DCDC1: variants seen among roughly 807,000 people sequenced by gnomAD.
DCDC1 encodes the protein doublecortin domain containing 1.
DCDC1 carries 200 observed loss-of-function variants against 178.3 expected under a neutral mutation model. The ratio of observed to expected loss-of-function variants is 1.12; its 90% CI spans 1.00 to 1.26. DCDC1 has a LOEUF of 1.26. Ranked by LOEUF, DCDC1 falls within the 50% of genes most tolerant of loss-of-function variation. The pLI is 0.00. For synonymous variants in DCDC1, 690 were observed against 604.8 expected, an observed-to-expected ratio of 1.14 and a Z score of -2.07; for missense variants, 1,983 against 1,749.2, an observed-to-expected ratio of 1.13 and a Z score of -2.38.
At chr11:31,213,898 G>C (rs893964895) in intron 9 of DCDC1, among the ~76,000 whole-genome samples, 2 of 151,682 alleles carry the variant, frequency 1.3e-5, no homozygotes, top group Non-Finnish European at 2.9e-5. Flanking sequence ...ATATTGTTGA[G>C]TGTGTACACA....
At chr11:31,250,421 C>CATATATATATACATATAT in intron 8 of DCDC1, among the ~76,000 whole-genome samples, 1 of 52,958 alleles carries the variant, frequency 1.9e-5, no homozygotes, top group South Asian at 8.7e-4. Context: ...CACACATATA[C>CATATATATATACATATAT]ATATATATGT....
intron 20 of DCDC1, among the ~76,000 whole-genome samples, chr11:31,037,424 ATTTC>A (rs149457186): frequency 0.41 from 54,092 of 133,370 alleles, 9,829 homozygotes; most frequent in Middle Eastern, 0.5. Flanking sequence ...GCCTCTAAAT[ATTTC>A]TTTCTTTTTT....
At position 30,904,955 on chromosome 11, in the gene DCDC1, A is replaced by C. The variant is rs1288781785; in HGVS notation, c.4308+6T>G. ...TGCAAGCAGCATTTAAGTGATAGCC[A>C]CTTACCATGGGGAATGTTCCAGCCA... On this transcript the variant is annotated splice_donor_region_variant and intron_variant, in intron 31 of 38. Transcript: ENST00000684477. 3 of 1,613,560 alleles carry C rather than the reference A, an allele frequency of 1.9e-6. No homozygotes were observed. Among genetic ancestry groups the C allele is most frequent in the Non-Finnish European group, 2.5e-6 (3 of 1,179,670 alleles).
chr11:30,995,690 G>A (rs1335203749), intron 20 of DCDC1, among the ~76,000 whole-genome samples: 1 of 152,128 alleles, frequency 6.6e-6, no homozygotes, highest in Non-Finnish European at 1.5e-5. Flanking sequence ...GCTGAACCAA[G>A]TGGATGTCTC....
intron 20 of DCDC1, among the ~76,000 whole-genome samples, chr11:31,009,099 T>C (rs947442582): frequency 1.3e-5 from 2 of 152,264 alleles, no homozygotes; most frequent in African/African-American, 2.4e-5. Context: ...AATGAGAATA[T>C]ATAACAAGAC....
At chr11:31,187,541 G>T (rs908497920) in intron 9 of DCDC1, among the ~76,000 whole-genome samples, 2 of 152,158 alleles carry the variant, frequency 1.3e-5, no homozygotes, top group Non-Finnish European at 2.9e-5. Flanking sequence ...TCATAAAAAT[G>T]ATTCTTTAAG....
rs1461994476 is a variant in DCDC1 at position 31,241,635 on chromosome 11, GA to G, written c.1055-20del. ...AGAGGAACTATGCAAGAAAAGAAGGGAAAAAAATTCTTTTGACCCAACCCAA... is the reference window on the plus strand; with the variant it reads ...AGAGGAACTATGCAAGAAAAGAAGGGAAAAAATTCTTTTGACCCAACCCAA... On this transcript the variant is annotated intron_variant, in intron 8 of 38. Transcript: ENST00000684477. 6 of 396,428 alleles carry G rather than the reference GA, an allele frequency of 1.5e-5. No individual in the cohort carries two copies. The highest frequency in any genetic ancestry group is 2.2e-5 in the Non-Finnish European group (5 of 224,320). 24.6% of individuals were successfully genotyped at this position (396,428 alleles called of 1,614,324 possible).
intron 19 of DCDC1, 31 bp from the exon 20 acceptor site, chr11:31,064,657 T>A: frequency 1.3e-6 from 1 of 762,844 alleles, no homozygotes. Flanking sequence ...ATCATGTAGC[T>A]AATTTTCATT....
intron 6 of DCDC1, among the ~76,000 whole-genome samples, chr11:31,300,695 A>G (rs554040399): frequency 2.0e-5 from 3 of 152,152 alleles, no homozygotes; most frequent in Non-Finnish European, 2.9e-5. Flanking sequence ...GAATAACTAT[A>G]GAATATATAA....
At chr11:31,119,799 C>G (rs1404060590) in intron 11 of DCDC1, among the ~76,000 whole-genome samples, 1 of 152,046 alleles carries the variant, frequency 6.6e-6, no homozygotes, top group African/African-American at 2.4e-5. Flanking sequence ...TTTTCTGTTA[C>G]CAACCAAATT....
At chr11:30,990,240 A>AAG (rs1270863779) in intron 20 of DCDC1, among the ~76,000 whole-genome samples, 1 of 152,176 alleles carries the variant, frequency 6.6e-6, no homozygotes, top group Non-Finnish European at 1.5e-5. Context: ...TTGGTACCTT[A>AAG]AGAGAGATAC....
chr11:31,279,241 T>C (rs1296338970), intron 7 of DCDC1, among the ~76,000 whole-genome samples: 1 of 150,690 alleles, frequency 6.6e-6, no homozygotes, highest in Non-Finnish European at 1.5e-5. Flanking sequence ...TTCATTTTCT[T>C]TTTTTTGTGT....
chr11:31,264,836 C>G (rs1301647963), intron 8 of DCDC1, among the ~76,000 whole-genome samples: 1 of 152,118 alleles, frequency 6.6e-6, no homozygotes, highest in Non-Finnish European at 1.5e-5. Flanking sequence ...ACCAATTGTT[C>G]TCATCTCTTC....
chr11:30,893,413 T>A (rs1943952947), intron 35 of DCDC1, among the ~76,000 whole-genome samples: 1 of 152,048 alleles, frequency 6.6e-6, no homozygotes, highest in Non-Finnish European at 1.5e-5. Context: ...TATACATGAG[T>A]GTTGTTTCAG....
intron 13 of DCDC1, among the ~76,000 whole-genome samples, chr11:31,105,318 G>A (rs1591061403): frequency 6.6e-6 from 1 of 151,792 alleles, no homozygotes; most frequent in East Asian, 1.9e-4. Flanking sequence ...CATTTTACCA[G>A]TTATTCCGCA....
intron 9 of DCDC1, among the ~76,000 whole-genome samples, chr11:31,235,939 A>C (rs1976396829): frequency 6.6e-6 from 1 of 151,780 alleles, no homozygotes; most frequent in Non-Finnish European, 1.5e-5. Context: ...AAAAAGAAAA[A>C]CCTCTATTTT....
chr11:31,203,460 C>A (rs1376142677), intron 9 of DCDC1, among the ~76,000 whole-genome samples: 1 of 152,186 alleles, frequency 6.6e-6, no homozygotes, highest in Non-Finnish European at 1.5e-5. Context: ...CAGACTGAGA[C>A]ACCTATATAA....
intron 20 of DCDC1, among the ~76,000 whole-genome samples, chr11:31,037,212 A>G (rs1034103348): frequency 6.6e-6 from 1 of 152,118 alleles, no homozygotes; most frequent in South Asian, 2.1e-4. Context: ...ATAGGTCTAT[A>G]ATTGTGCACA....
At chr11:31,287,892 A>T (rs2137360448) in intron 7 of DCDC1, among the ~76,000 whole-genome samples, 1 of 151,248 alleles carries the variant, frequency 6.6e-6, no homozygotes, top group African/African-American at 2.4e-5. Flanking sequence ...TTCAAAAGGG[A>T]GCAAGAGGAC....
Sources: gnomAD v4.1 joint callset for allele counts (sites outside exome capture counted in the v4.1 genomes callset) on GRCh38, gnomAD v4.1.1 for gene constraint, MANE v1.5 for transcripts, NCBI Gene and HGNC (gene_info 2026-07-23, HGNC 2026-07-21) for gene names.